ARID4B: variants seen among roughly 807,000 people sequenced by gnomAD.
The protein encoded by ARID4B is AT-rich interactive domain-containing protein 4B.
In ARID4B, 26 loss-of-function variants were observed where a neutral mutation model predicts 147.5. That is an observed-to-expected ratio of 0.18 (90% CI 0.13 to 0.24). The LOEUF (loss-of-function observed/expected upper bound fraction) is 0.24, where lower values mean the gene tolerates loss of function less well. Among genes scored for constraint, ARID4B ranks in the 10% least tolerant of loss-of-function variants. The pLI is 1.00. For synonymous variants in ARID4B, 512 were observed against 507.9 expected, an observed-to-expected ratio of 1.01 and a Z score of -0.11; for missense variants, 1,179 against 1,511.5, an observed-to-expected ratio of 0.78 and a Z score of 3.65.
intron 2 of ARID4B, among the ~76,000 whole-genome samples, chr1:235,265,110 A>G (rs1465906329): frequency 6.6e-6 from 1 of 151,788 alleles, no homozygotes; most frequent in African/African-American, 2.4e-5. Flanking sequence ...TGCCTATAAT[A>G]ATCCCAGCAC....
chr1:235,305,937 G>A lies in ARID4B; in HGVS notation c.6+20977C>T, dbSNP rs541957037. ...ATCACGCTACTATATTCCTGCCCAG[G>A]CAACAGAGCAAGAAACTCTGTCTTC... On this transcript the variant is annotated intron_variant, in intron 2 of 23. Coordinates refer to ENST00000264183, the MANE Select transcript of ARID4B (RefSeq NM_016374.6). Among the ~76,000 whole-genome samples, 10 of 152,260 alleles carry A rather than the reference G, an allele frequency of 6.6e-5. No homozygotes were observed. The South Asian group carries it at 1.7e-3, about 25-fold the overall frequency.
At position 235,258,134 on chromosome 1, in the gene ARID4B, C is replaced by T. The variant is rs900778684; in HGVS notation, c.118-909G>A. Among the ~76,000 whole-genome samples the T allele has an allele frequency of 9.2e-5, 14 of 152,196 alleles. 1 individual carries two copies. The highest frequency in any genetic ancestry group is 8.5e-4 in the Admixed American group (13 of 15,284). On this transcript the variant is annotated intron_variant, in intron 3 of 23. Coordinates refer to ENST00000264183, the MANE Select transcript of ARID4B (RefSeq NM_016374.6). The stretch of plus-strand genomic sequence containing the variant: ...ATCACCTGAGATCAGGAGATGGGAC[C>T]AGCCTGGTTAACATGGTGAAGCCCC...
At chr1:235,289,257 T>C (rs1388365923) in intron 2 of ARID4B, among the ~76,000 whole-genome samples, 1 of 152,166 alleles carries the variant, frequency 6.6e-6, no homozygotes, top group Admixed American at 6.5e-5. Flanking sequence ...TTGGGAGCTA[T>C]AAAATATTGA....
chr1:235,286,060 G>GCTTTTTTTTT (rs1553311442), intron 2 of ARID4B, among the ~76,000 whole-genome samples: 2,059 of 151,452 alleles, frequency 0.014, 56 homozygotes, highest in African/African-American at 0.048. Flanking sequence ...GTTTTGTTTT[G>GCTTTTTTTTT]TTTTGAGATA....
At chr1:235,198,887 G>A (rs1476340453) in intron 17 of ARID4B, among the ~76,000 whole-genome samples, 2 of 152,164 alleles carry the variant, frequency 1.3e-5, no homozygotes, top group Non-Finnish European at 2.9e-5. Flanking sequence ...ATCACCTGAG[G>A]TCAGGAGTTC....
chr1:235,187,622 A>G (rs1664786315), intron 19 of ARID4B, among the ~76,000 whole-genome samples: 1 of 152,198 alleles, frequency 6.6e-6, no homozygotes, highest in South Asian at 2.1e-4. Flanking sequence ...CTCTAGTTTT[A>G]TTCCCAACCC....
At chr1:235,199,959 A>G (rs1015255794) in intron 17 of ARID4B, among the ~76,000 whole-genome samples, 1 of 151,680 alleles carries the variant, frequency 6.6e-6, no homozygotes, top group Non-Finnish European at 1.5e-5. Flanking sequence ...ATACTACCCA[A>G]GTGTTCCTTC....
chr1:235,190,358 G>T (rs916943366), intron 19 of ARID4B, among the ~76,000 whole-genome samples: 2 of 151,894 alleles, frequency 1.3e-5, no homozygotes, highest in African/African-American at 4.8e-5. Context: ...TGAGGCAGGA[G>T]AAACACTTGA....
At chr1:235,227,152 T>C (rs1667884331) in intron 11 of ARID4B, among the ~76,000 whole-genome samples, 1 of 152,124 alleles carries the variant, frequency 6.6e-6, no homozygotes, top group African/African-American at 2.4e-5. Flanking sequence ...GGTACTAGCA[T>C]ATGCAAAGGT....
intron 2 of ARID4B, among the ~76,000 whole-genome samples, chr1:235,269,750 G>GA (rs1293369352): frequency 6.6e-6 from 1 of 151,914 alleles, no homozygotes; most frequent in Non-Finnish European, 1.5e-5. Context: ...AAATGACATC[G>GA]AATGTTAACA....
At chr1:235,323,569 G>A (rs1675004093) in intron 2 of ARID4B, among the ~76,000 whole-genome samples, 2 of 152,182 alleles carry the variant, frequency 1.3e-5, no homozygotes, top group Admixed American at 1.3e-4. Flanking sequence ...CAGATCACCT[G>A]AGGTCAGGAG....
At chr1:235,316,374 T>C (rs988719763) in intron 2 of ARID4B, among the ~76,000 whole-genome samples, 6 of 151,518 alleles carry the variant, frequency 4.0e-5, no homozygotes, top group African/African-American at 1.5e-4. Context: ...CCAGGTGTTG[T>C]GGCACACGCC....
chr1:235,249,663 C>T (rs1572075833), intron 6 of ARID4B, among the ~76,000 whole-genome samples: 2 of 150,728 alleles, frequency 1.3e-5, no homozygotes, highest in South Asian at 2.1e-4. Flanking sequence ...TGGGCGTGGC[C>T]GGGCACGGTG....
intron 2 of ARID4B, among the ~76,000 whole-genome samples, chr1:235,297,590 T>C (rs1558290291): frequency 1.3e-5 from 2 of 152,142 alleles, no homozygotes; most frequent in African/African-American, 2.4e-5. Context: ...AAGAACTTTA[T>C]AAAGGATAGA....
At chr1:235,249,920 CAGAG>C (rs754956220) in intron 6 of ARID4B, among the ~76,000 whole-genome samples, 1 of 130,960 alleles carries the variant, frequency 7.6e-6, no homozygotes, top group African/African-American at 2.9e-5. Flanking sequence ...AGCCTGGCGA[CAGAG>C]AGAGACTCCA....
At chr1:235,249,337 A>G (rs1371015170) in intron 6 of ARID4B, among the ~76,000 whole-genome samples, 1 of 152,124 alleles carries the variant, frequency 6.6e-6, no homozygotes, top group Admixed American at 6.6e-5. Flanking sequence ...TGTCTCAAAA[A>G]AATAAATAAA....
At chr1:235,249,312 G>A (rs1209747576) in intron 6 of ARID4B, among the ~76,000 whole-genome samples, 2 of 152,064 alleles carry the variant, frequency 1.3e-5, no homozygotes, top group Admixed American at 6.6e-5. Flanking sequence ...CAGTCTGGGC[G>A]ACAGAGCAAG....
intron 19 of ARID4B, among the ~76,000 whole-genome samples, chr1:235,187,828 AAG>A (rs982661292): frequency 2.6e-5 from 4 of 152,226 alleles, no homozygotes; most frequent in African/African-American, 9.6e-5. Context: ...AGAAAATATG[AAG>A]AGAATACTTA....
chr1:235,278,399 A>G (rs1217781227), intron 2 of ARID4B, among the ~76,000 whole-genome samples: 4 of 152,096 alleles, frequency 2.6e-5, no homozygotes, highest in African/African-American at 9.7e-5. Flanking sequence ...CATGAAAAAC[A>G]TTTCATGGCA....
Sources: allele counts gnomAD v4.1 joint callset (sites outside exome capture counted in the v4.1 genomes callset), GRCh38; gene constraint gnomAD v4.1.1; transcripts MANE v1.5; gene names NCBI Gene and HGNC (gene_info 2026-07-23, HGNC 2026-07-21).